Variants in ANO1 observed in about 807,000 individuals in gnomAD.
ANO1 encodes anoctamin 1.
A neutral mutation model predicts 124.0 loss-of-function variants in ANO1; 59 were observed. That is an observed-to-expected ratio of 0.48 (90% CI 0.39 to 0.59). ANO1 has a LOEUF of 0.59. Ranked by LOEUF, ANO1 falls within the 20% of genes least tolerant of loss-of-function variation. The pLI, the probability that ANO1 is intolerant of heterozygous loss-of-function variation, is 0.00. For missense variants in ANO1, 1,059 were observed against 1,328.0 expected (o/e 0.80, Z 3.15); for synonymous variants, 529 against 532.0 (o/e 0.99, Z 0.08).
intron 1 of ANO1, among the ~76,000 whole-genome samples, chr11:70,045,165 T>G (rs1191801523): frequency 6.6e-6 from 1 of 152,234 alleles, no homozygotes; most frequent in Non-Finnish European, 1.5e-5. Context: ...CAACAGCTAG[T>G]GAATCCAGGT....
In ANO1 at chr11:70,147,420, G is replaced by GCCTCCTGCTGGGCCCCCTGTGGC. The variant is rs2047426509; in HGVS notation, c.1259-2283_1259-2261dup. Among the ~76,000 whole-genome samples the GCCTCCTGCTGGGCCCCCTGTGGC allele has an allele frequency of 2.6e-5, 4 of 152,302 alleles. No homozygotes were observed. In the South Asian group the frequency reaches 6.2e-4, roughly 24 times the overall value. On this transcript the variant is annotated intron_variant, in intron 11 of 25. Coordinates refer to ENST00000355303, the MANE Select transcript of ANO1 (RefSeq NM_018043.7). ...GGGTCAGGGGCCCTGGGGGTTGGGG[G>GCCTCCTGCTGGGCCCCCTGTGGC]CCTCCTGCTGGGCCCCCTGTGGCCC...
At chr11:70,187,440 G>A (rs980087324) in intron 25 of ANO1, among the ~76,000 whole-genome samples, 5 of 152,170 alleles carry the variant, frequency 3.3e-5, no homozygotes, top group Admixed American at 2.6e-4. Context: ...TAGATTTGGC[G>A]ATGTGTGATC....
intron 2 of ANO1, among the ~76,000 whole-genome samples, chr11:70,097,178 C>A (rs956168104): frequency 1.3e-5 from 2 of 152,182 alleles, no homozygotes; most frequent in African/African-American, 4.8e-5. Context: ...GGACCAGACC[C>A]CATGGCAAGG....
chr11:70,187,193 G>A (rs1247956760), intron 25 of ANO1, among the ~76,000 whole-genome samples: 1 of 152,242 alleles, frequency 6.6e-6, no homozygotes, highest in Non-Finnish European at 1.5e-5. Context: ...ACCGCCCGTG[G>A]CGGGAACCTG....
chr11:70,134,647 C>T (rs1321410241), intron 11 of ANO1, among the ~76,000 whole-genome samples: 1 of 152,128 alleles, frequency 6.6e-6, no homozygotes, highest in Non-Finnish European at 1.5e-5. Context: ...TACTCATCAG[C>T]CACGTGTACT....
intron 15 of ANO1, among the ~76,000 whole-genome samples, chr11:70,156,189 C>CG: frequency 6.9e-6 from 1 of 144,272 alleles, no homozygotes; most frequent in South Asian, 2.3e-4. Flanking sequence ...GTGGCGGGGA[C>CG]GGGGGTGGGG....
intron 19 of ANO1, 111 bp from the exon 20 acceptor site, chr11:70,165,359 T>A (rs868167465): frequency 6.7e-6 from 6 of 889,704 alleles, no homozygotes; most frequent in Middle Eastern, 6.3e-4. Context: ...CTGAGCGTCT[T>A]TTTTTGGAGG....
At chr11:70,004,472 G>A (rs760799996) in intron 1 of ANO1, among the ~76,000 whole-genome samples, 8 of 152,192 alleles carry the variant, frequency 5.3e-5, no homozygotes, top group African/African-American at 1.7e-4. Flanking sequence ...TTAAGGTGAG[G>A]CAACCTCTCA....
chr11:70,124,497 T>A, intron 9 of ANO1, 83 bp downstream of exon 9: 1 of 1,411,942 alleles, frequency 7.1e-7, no homozygotes, highest in Non-Finnish European at 1.0e-6. Context: ...TCAACCGCTC[T>A]GAATGTTCAG....
chr11:70,183,182 G>A (rs984381343), intron 24 of ANO1, among the ~76,000 whole-genome samples: 1 of 152,300 alleles, frequency 6.6e-6, no homozygotes. Flanking sequence ...AGAAGCCCAG[G>A]ATAGCTTCAG....
chr11:70,128,572 G>T (rs950017758), intron 10 of ANO1, among the ~76,000 whole-genome samples: 2 of 152,250 alleles, frequency 1.3e-5, no homozygotes, highest in African/African-American at 4.8e-5. Context: ...TTCAGCCGCT[G>T]TGGGCGGAGA....
intron 1 of ANO1, among the ~76,000 whole-genome samples, chr11:69,987,175 C>T (rs1216478540): frequency 1.3e-5 from 2 of 152,216 alleles, no homozygotes; most frequent in Non-Finnish European, 2.9e-5. Context: ...GGGGCCCCTC[C>T]AGCCAGAGCA....
At chr11:70,121,278 GTCTC>G (rs2046253663) in intron 8 of ANO1, among the ~76,000 whole-genome samples, 1 of 120,494 alleles carries the variant, frequency 8.3e-6, no homozygotes, top group Admixed American at 9.1e-5. Context: ...TCTCCCCCAT[GTCTC>G]TCTGTCTGTC....
chr11:70,163,693 T>C, intron 19 of ANO1: 2 of 515,660 alleles, frequency 3.9e-6, no homozygotes, highest in South Asian at 5.3e-5. Flanking sequence ...TCCCAGCACT[T>C]TGGGAGGCCG....
rs763536789 is a variant in ANO1 at position 70,188,047 on chromosome 11, G to A, written c.*43G>A. On this transcript the variant is annotated 3_prime_UTR_variant, in exon 26 of 26. Coordinates refer to ENST00000355303, the MANE Select transcript of ANO1 (RefSeq NM_018043.7). ...GGCAGGCCAGCCGGGCATCCTGACC[G>A]ATGGGCACCCTCTCCCAGGGCAGGC... 2.9e-5 allele frequency: 44 copies of A among 1,529,556 alleles called. No homozygotes were observed. The highest frequency in any genetic ancestry group is 6.0e-5 in the Admixed American group (3 of 50,342). The allele number at this position is 1,529,556 out of a possible 1,614,324, so 94.7% of individuals were successfully genotyped here. A position where few individuals can be genotyped will look rare whatever the true frequency, so the allele number is the denominator to read the frequency against.
the ANO1 span, among the ~76,000 whole-genome samples, chr11:69,969,246 G>C: frequency 6.6e-6 from 1 of 152,150 alleles, no homozygotes; most frequent in Admixed American, 6.5e-5. Context: ...AAGCCCCAGG[G>C]AATCTCCTTC....
the ANO1 span, among the ~76,000 whole-genome samples, chr11:69,966,826 G>A: frequency 1.3e-5 from 2 of 152,182 alleles, no homozygotes; most frequent in Admixed American, 6.5e-5. Flanking sequence ...TTGAGGGCAA[G>A]AGAGGTGCCC....
intron 2 of ANO1, 137 bp from the exon 3 acceptor site, chr11:70,102,929 A>G (rs1269893699): frequency 5.9e-5 from 37 of 631,990 alleles, no homozygotes; most frequent in Non-Finnish European, 1.0e-4. Context: ...AGTGTTGTCA[A>G]CGTGGAATGA....
intron 1 of ANO1, among the ~76,000 whole-genome samples, chr11:69,994,103 A>ACG (rs35898111): frequency 1.3e-5 from 2 of 148,904 alleles, no homozygotes; most frequent in African/African-American, 5.1e-5. Context: ...TTTGTCGTTA[A>ACG]CCCCCCCCCA....
Sources: allele counts gnomAD v4.1 joint callset (sites outside exome capture counted in the v4.1 genomes callset), GRCh38; gene constraint gnomAD v4.1.1; transcripts MANE v1.5; gene names NCBI Gene and HGNC (gene_info 2026-07-23, HGNC 2026-07-21).